The following POLK variants were observed in gnomAD, a reference collection of about 807,000 sequenced individuals.
POLK encodes DNA polymerase kappa.
POLK carries 76 observed loss-of-function variants against 94.0 expected under a neutral mutation model. That is an observed-to-expected ratio of 0.81 (90% CI 0.67 to 0.98). POLK has a LOEUF of 0.98. Among genes scored for constraint, POLK ranks in the 50% least tolerant of loss-of-function variants. POLK has a pLI of 0.00. For synonymous variants in POLK, 349 were observed against 325.4 expected, an observed-to-expected ratio of 1.07 and a Z score of -0.78; for missense variants, 954 against 1,010.1, an observed-to-expected ratio of 0.94 and a Z score of 0.75.
At chr5:75,568,028 C>A (rs536881200) in intron 3 of POLK, among the ~76,000 whole-genome samples, 1 of 152,298 alleles carries the variant, frequency 6.6e-6, no homozygotes, top group South Asian at 2.1e-4. Context: ...AAAAAAAATT[C>A]TGCAGAGTGG....
At chr5:75,559,505 GTTTTTTTGTTTTGTTTTGTTTT>G (rs1770843821) in intron 3 of POLK, among the ~76,000 whole-genome samples, 1 of 70,080 alleles carries the variant, frequency 1.4e-5, no homozygotes, top group Non-Finnish European at 3.3e-5. Flanking sequence ...TTTGGGGTTT[GTTTTTTTGTTTTGTTTTGTTTT>G]TTTTTTTTTT....
At chr5:75,559,693 C>A (rs571805277) in intron 3 of POLK, among the ~76,000 whole-genome samples, 1 of 151,646 alleles carries the variant, frequency 6.6e-6, no homozygotes, top group East Asian at 1.9e-4. Flanking sequence ...TGTACACTTT[C>A]ACACTCAGTT....
At chr5:75,564,760 A>G (rs1282883803) in intron 3 of POLK, among the ~76,000 whole-genome samples, 1 of 152,176 alleles carries the variant, frequency 6.6e-6, no homozygotes, top group Non-Finnish European at 1.5e-5. Context: ...ATCTGCCGTT[A>G]TTCTGATGGA....
At chr5:75,552,529 G>A in exon 3 of POLK, 1 of 1,612,706 alleles carries the variant, frequency 6.2e-7, no homozygotes, top group Non-Finnish European at 8.5e-7. Flanking sequence ...CCAACGAATT[G>A]AAAATATGAT....
At chr5:75,511,591 T>A, upstream of POLK, 1 of 1,465,340 alleles carries the variant, frequency 6.8e-7, no homozygotes, top group Non-Finnish European at 9.0e-7. Flanking sequence ...CACTCACACC[T>A]CCGCTACCGC....
intron 1 of POLK, among the ~76,000 whole-genome samples, chr5:75,531,035 C>T (rs1769155731): frequency 6.6e-6 from 1 of 151,802 alleles, no homozygotes; most frequent in African/African-American, 2.4e-5. Flanking sequence ...TCTCGATCTC[C>T]TGACCTCGTG....
intron 1 of POLK, among the ~76,000 whole-genome samples, chr5:75,530,873 T>C (rs1769144723): frequency 6.6e-6 from 1 of 151,178 alleles, no homozygotes; most frequent in African/African-American, 2.4e-5. Context: ...CGTGGCGCGA[T>C]GTCCGCTTGC....
chr5:75,589,026 A>AATATGTAT (rs1470761040), intron 10 of POLK, among the ~76,000 whole-genome samples: 2 of 152,198 alleles, frequency 1.3e-5, no homozygotes, highest in African/African-American at 4.8e-5. Context: ...GAAATTTCAT[A>AATATGTAT]ATATGTATCA....
chr5:75,554,299 A>G (rs1770481272), intron 3 of POLK, among the ~76,000 whole-genome samples: 1 of 151,934 alleles, frequency 6.6e-6, no homozygotes, highest in Non-Finnish European at 1.5e-5. Flanking sequence ...TGTCTGGGGG[A>G]GTTTATATCT....
exon 2 of POLK, chr5:75,547,115 A>G: frequency 1.3e-6 from 2 of 1,538,576 alleles, no homozygotes; most frequent in Non-Finnish European, 8.9e-7. Context: ...TGGAAGGATT[A>G]GATAAAGAGA....
intron 12 of POLK, among the ~76,000 whole-genome samples, chr5:75,595,248 GAAAA>G (rs58783164): frequency 0.036 from 905 of 24,830 alleles, 5 homozygotes; most frequent in African/African-American, 0.091. Flanking sequence ...CTCCACCTCA[GAAAA>G]AAAAAAAAAA....
chr5:75,530,988 T>A (rs950336370), intron 1 of POLK, among the ~76,000 whole-genome samples: 4 of 151,786 alleles, frequency 2.6e-5, no homozygotes, highest in Non-Finnish European at 5.9e-5. Context: ...TGTATTTTTT[T>A]AGTAGAGACG....
chr5:75,550,393 A>G (rs1235591095), intron 2 of POLK, among the ~76,000 whole-genome samples: 1 of 152,154 alleles, frequency 6.6e-6, no homozygotes, highest in Admixed American at 6.6e-5. Flanking sequence ...AGCCTGACCA[A>G]TATGGTGAAA....
chr5:75,547,607 A>G (rs1770104385), intron 2 of POLK, among the ~76,000 whole-genome samples: 1 of 152,224 alleles, frequency 6.6e-6, no homozygotes, highest in Admixed American at 6.5e-5. Flanking sequence ...TTTTACAAAC[A>G]TTACTAGTGA....
intron 1 of POLK, among the ~76,000 whole-genome samples, chr5:75,536,078 T>C (rs1769429744): frequency 6.6e-6 from 1 of 152,192 alleles, no homozygotes; most frequent in Non-Finnish European, 1.5e-5. Context: ...TGGGCTCATA[T>C]TCCTTCAGTT....
intron 3 of POLK, among the ~76,000 whole-genome samples, chr5:75,559,549 T>TG (rs1770860385): frequency 7.3e-6 from 1 of 137,852 alleles, no homozygotes; most frequent in Non-Finnish European, 1.5e-5. Context: ...TTTTTTTTTT[T>TG]TAGAGACAGG....
intron 2 of POLK, among the ~76,000 whole-genome samples, chr5:75,548,578 A>G (rs1033190651): frequency 6.6e-6 from 1 of 150,914 alleles, no homozygotes; most frequent in Non-Finnish European, 1.5e-5. Flanking sequence ...TATGTTATGT[A>G]TATTAATAAA....
chr5:75,577,497 C>A (rs112994048), intron 6 of POLK, among the ~76,000 whole-genome samples: 3 of 152,216 alleles, frequency 2.0e-5, no homozygotes, highest in African/African-American at 7.2e-5. Context: ...TATGACCTAT[C>A]CAAAAGCAAT....
In POLK at chr5:75,593,006, C is replaced by T. The variant is rs1328424209; in HGVS notation, c.1357-872C>T. Reference sequence around the variant, plus strand: ...GGGAGGTCAAAGCTGCAGTGAGCCACGATCATGCCACTGTACTCCAGCCTG... The same window carrying T: ...GGGAGGTCAAAGCTGCAGTGAGCCATGATCATGCCACTGTACTCCAGCCTG... On this transcript the variant is annotated intron_variant, in intron 11 of 14. Coordinates refer to ENST00000241436, the Ensembl canonical transcript of POLK. Among the ~76,000 whole-genome samples the T allele has an allele frequency of 2.6e-5, 4 of 151,206 alleles. No homozygotes were observed. In the East Asian group the frequency reaches 5.9e-4, roughly 22 times the overall value.
Sources: gnomAD v4.1 joint callset for allele counts (sites outside exome capture counted in the v4.1 genomes callset) on GRCh38, gnomAD v4.1.1 for gene constraint, MANE v1.5 for transcripts, NCBI Gene and HGNC (gene_info 2026-07-23, HGNC 2026-07-21) for gene names.